The following SYT17 variants were observed in gnomAD, a reference collection of about 807,000 sequenced individuals.
SYT17 encodes synaptotagmin-17.
Under a neutral mutation model 46.7 loss-of-function variants are expected in SYT17, and 22 were observed. That is an observed-to-expected ratio of 0.47 (90% CI 0.34 to 0.67). The LOEUF (loss-of-function observed/expected upper bound fraction) is 0.67, where lower values mean the gene tolerates loss of function less well. Among genes scored for constraint, SYT17 ranks in the 30% least tolerant of loss-of-function variants. SYT17 has a pLI of 0.01. For synonymous variants in SYT17, 251 were observed against 248.4 expected (o/e 1.01, Z -0.10); for missense variants, 519 against 612.8 (o/e 0.85, Z 1.62).
intron 4 of SYT17, among the ~76,000 whole-genome samples, chr16:19,180,814 A>G (rs1800194099): frequency 6.6e-6 from 1 of 152,230 alleles, no homozygotes; most frequent in South Asian, 2.1e-4. Context: ...TAACATTGTC[A>G]GTGTATATCA....
At chr16:19,225,796 A>T (rs1056718277) in intron 7 of SYT17, among the ~76,000 whole-genome samples, 1 of 152,180 alleles carries the variant, frequency 6.6e-6, no homozygotes, top group African/African-American at 2.4e-5. Flanking sequence ...TCACAACATG[A>T]CTTTCATCAG....
intron 6 of SYT17, 54 bp downstream of exon 6, chr16:19,223,219 T>G (rs1350569959): frequency 6.3e-7 from 1 of 1,593,546 alleles, no homozygotes; most frequent in Non-Finnish European, 8.6e-7. Flanking sequence ...TCTGTGTTTG[T>G]GTGGAGAACC....
At chr16:19,245,029 G>A (rs1193159024) in intron 7 of SYT17, among the ~76,000 whole-genome samples, 1 of 152,150 alleles carries the variant, frequency 6.6e-6, no homozygotes, top group East Asian at 1.9e-4. Flanking sequence ...CCTTCAACAT[G>A]CTTGCTCCAC....
chr16:19,230,572 C>T (rs550961368), intron 7 of SYT17, among the ~76,000 whole-genome samples: 1 of 152,306 alleles, frequency 6.6e-6, no homozygotes, highest in Non-Finnish European at 1.5e-5. Context: ...TTCAGCCCGG[C>T]AGATCCTGAG....
intron 5 of SYT17, among the ~76,000 whole-genome samples, chr16:19,221,277 A>G (rs541288105): frequency 6.6e-6 from 1 of 151,956 alleles, no homozygotes; most frequent in South Asian, 2.1e-4. Flanking sequence ...TGGATTTTAC[A>G]AGGTGGTGCA....
At position 19,193,777 on chromosome 16, in the gene SYT17, G is replaced by T. The variant is rs1188319498; in HGVS notation, c.951+9630G>T. 2.6e-5 allele frequency among the ~76,000 whole-genome samples: 4 copies of T among 152,330 alleles called. No individual in the cohort carries two copies. In the East Asian group the frequency reaches 7.7e-4, roughly 29 times the overall value. On this transcript the variant is annotated intron_variant, in intron 5 of 7. Coordinates refer to ENST00000355377, the MANE Select transcript of SYT17 (RefSeq NM_016524.4). The stretch of plus-strand genomic sequence containing the variant: ...GAACTCAGTGTAGCCTACCCCAGGG[G>T]TGAGGGAGCTGGGGTATTTATTCAC...
intron 5 of SYT17, among the ~76,000 whole-genome samples, chr16:19,209,215 G>A (rs749299335): frequency 1.3e-5 from 2 of 151,812 alleles, no homozygotes; most frequent in Admixed American, 6.6e-5. Flanking sequence ...CCTGGGGGTT[G>A]GAAATTAAAT....
intron 3 of SYT17, 111 bp downstream of exon 3, chr16:19,173,689 A>T: frequency 8.1e-7 from 1 of 1,233,372 alleles, no homozygotes; most frequent in Non-Finnish European, 1.1e-6. Context: ...GGGGGCATGA[A>T]AGAGAAGCAG....
chr16:19,252,404 C>CAT lies in SYT17; in HGVS notation c.1229-14466_1229-14465dup, dbSNP rs1247348227. Among the ~76,000 whole-genome samples the CAT allele has an allele frequency of 3.0e-4, 6 of 19,946 alleles. 3 individuals are homozygous for CAT. The highest frequency in any genetic ancestry group is 4.4e-4 in the Non-Finnish European group (6 of 13,660). 13.1% of individuals were successfully genotyped at this position (19,946 alleles called of 152,430 possible). On this transcript the variant is annotated intron_variant, in intron 7 of 7. Coordinates refer to ENST00000355377, the MANE Select transcript of SYT17 (RefSeq NM_016524.4). ...ACATATATATATATACATATATATACATATATATATACATATATATATACA... is the reference window on the plus strand; with the variant it reads ...ACATATATATATATACATATATATACATATATATATATACATATATATATACA...
chr16:19,258,460 G>A (rs1269262351), intron 7 of SYT17, among the ~76,000 whole-genome samples: 4 of 152,068 alleles, frequency 2.6e-5, no homozygotes, highest in Admixed American at 2.6e-4. Context: ...GGCCAACATG[G>A]TGAAACCCCG....
chr16:19,222,743 G>A (rs1450120549), intron 5 of SYT17, among the ~76,000 whole-genome samples: 1 of 152,174 alleles, frequency 6.6e-6, no homozygotes, highest in Non-Finnish European at 1.5e-5. Context: ...AGACTCATTA[G>A]TCATTACATG....
chr16:19,267,189 A>C lies in SYT17; in HGVS notation c.*113A>C. ...GCATACACACTCGCAACATGTCTACACACGTCCACACACACAGACACACAG... is the reference window on the plus strand; with the variant it reads ...GCATACACACTCGCAACATGTCTACCCACGTCCACACACACAGACACACAG... On this transcript the variant is annotated 3_prime_UTR_variant, in exon 8 of 8. Transcript: ENST00000355377. 1 of 873,846 alleles carries C rather than the reference A, an allele frequency of 1.1e-6. No homozygotes were observed. The highest frequency in any genetic ancestry group is 1.7e-6 in the Non-Finnish European group (1 of 590,852). 54.1% of individuals were successfully genotyped at this position (873,846 alleles called of 1,614,324 possible).
intron 3 of SYT17, among the ~76,000 whole-genome samples, chr16:19,178,141 T>A (rs989341091): frequency 6.6e-6 from 1 of 152,030 alleles, no homozygotes; most frequent in Non-Finnish European, 1.5e-5. Flanking sequence ...TGGAGTGCAG[T>A]GGTGCAATCT....
Position 19,223,027 on chromosome 16 carries a change from C to G in SYT17, c.952-18C>G. On this transcript the variant is annotated intron_variant, in intron 5 of 7. Coordinates refer to ENST00000355377, the MANE Select transcript of SYT17 (RefSeq NM_016524.4). ...TAAAAGGAGAAGGCAACTTCCTGAT[C>G]ATTTCCTTTCTCTACAGAATGAAGT... is the stretch of plus-strand genomic sequence containing the variant. The G allele has an allele frequency of 1.2e-6, 2 of 1,613,630 alleles. No individual in the cohort carries two copies. Among genetic ancestry groups the G allele is most frequent in the African/African-American group, 2.7e-5 (2 of 75,020 alleles).
In SYT17 at chr16:19,266,887, C is replaced by A; in HGVS notation, c.1236C>A (p.Gly412=). ...AACCCTCTGGCTCCCTAGTTTTCGG[C>A]CACAACATGAAGAGCAGCAATGACT... is the stretch of plus-strand genomic sequence containing the variant. ...ENASLVFTVF[G]HNMKSSNDFI... Residue 412 remains glycine (G), a synonymous_variant, in exon 8 of 8, where the codon GGC becomes GGA. Coordinates refer to ENST00000355377, the MANE Select transcript of SYT17 (RefSeq NM_016524.4). The A allele has an allele frequency of 6.2e-7, 1 of 1,612,414 alleles. No homozygotes were observed. Among genetic ancestry groups the A allele is most frequent in the Non-Finnish European group, 8.5e-7 (1 of 1,179,180 alleles).
intron 7 of SYT17, among the ~76,000 whole-genome samples, chr16:19,266,621 G>A (rs767635058): frequency 3.7e-4 from 57 of 152,164 alleles, no homozygotes; most frequent in Non-Finnish European, 2.5e-4. Flanking sequence ...CAATGCCAAG[G>A]CTGAGAGGTA....
At chr16:19,199,627 T>C (rs987687924) in intron 5 of SYT17, among the ~76,000 whole-genome samples, 4 of 152,078 alleles carry the variant, frequency 2.6e-5, no homozygotes, top group Admixed American at 1.3e-4. Flanking sequence ...TCCTAGTTAC[T>C]TGAGAGGCTG....
intron 7 of SYT17, among the ~76,000 whole-genome samples, chr16:19,241,788 G>C (rs1273013781): frequency 2.0e-5 from 3 of 152,162 alleles, no homozygotes; most frequent in Admixed American, 2.0e-4. Flanking sequence ...CAGAGGCTCT[G>C]GGCCTGGGAG....
chr16:19,229,078 C>T (rs554410393), intron 7 of SYT17, among the ~76,000 whole-genome samples: 1 of 152,138 alleles, frequency 6.6e-6, no homozygotes, highest in Non-Finnish European at 1.5e-5. Context: ...CCCAAGATAG[C>T]AACACACAGC....
Sources: allele counts gnomAD v4.1 joint callset (sites outside exome capture counted in the v4.1 genomes callset), GRCh38; gene constraint gnomAD v4.1.1; transcripts MANE v1.5; gene names NCBI Gene and HGNC (gene_info 2026-07-23, HGNC 2026-07-21).